Variants in PLB1 observed in about 807,000 individuals in gnomAD.
The protein encoded by PLB1 is phospholipase B1, also known as phospholipase B1, membrane-associated.
PLB1 carries 242 observed loss-of-function variants against 227.4 expected under a neutral mutation model. That is an observed-to-expected ratio of 1.06 (90% CI 0.96 to 1.18). The LOEUF is 1.18. Ranked by LOEUF, PLB1 falls within the 50% of genes most tolerant of loss-of-function variation. The probability of loss-of-function intolerance (pLI) is 0.00; values close to 1 mark genes in which losing one functional copy is unlikely to be tolerated. For missense variants in PLB1, 1,858 were observed against 1,816.3 expected, an observed-to-expected ratio of 1.02 and a Z score of -0.42; for synonymous variants, 757 against 682.2, an observed-to-expected ratio of 1.11 and a Z score of -1.71.
chr2:28,496,753 G>T (rs776756481), intron 1 of PLB1, among the ~76,000 whole-genome samples: 1 of 152,144 alleles, frequency 6.6e-6, no homozygotes, highest in Non-Finnish European at 1.5e-5. Context: ...TGGGTAGATT[G>T]TGCCTCTGCC....
chr2:28,567,585 T>C (rs1234799238), intron 20 of PLB1, among the ~76,000 whole-genome samples: 3 of 149,262 alleles, frequency 2.0e-5, no homozygotes, highest in South Asian at 2.2e-4. Flanking sequence ...GCGATTCTCC[T>C]GCCTCAGCCT....
In PLB1 at chr2:28,533,387, CA is replaced by C. The variant is rs541564671; in HGVS notation, c.555+1194del. On this transcript the variant is annotated intron_variant, in intron 9 of 57. Transcript: ENST00000327757. ...AGTGCCGAGTGAAATTTACGTGCCT[CA>C]TTTGTTCTCTCCACAGCCCCCCTTT... Among the ~76,000 whole-genome samples the C allele has an allele frequency of 3.0e-3, 464 of 152,310 alleles. 4 individuals are homozygous for C. The highest frequency in any genetic ancestry group is 0.01 in the African/African-American group (427 of 41,552).
intron 8 of PLB1, 139 bp from the exon 9 acceptor site, chr2:28,531,969 T>C: frequency 1.5e-6 from 1 of 656,030 alleles, no homozygotes. Context: ...ACTCCTGCCA[T>C]ATACTACTAT....
At chr2:28,626,642 C>T (rs901467520) in intron 51 of PLB1, 134 bp downstream of exon 51, 18 of 781,672 alleles carry the variant, frequency 2.3e-5, no homozygotes, top group Non-Finnish European at 3.2e-5. Context: ...TGCCCCAGGC[C>T]CTCCCTGGTT....
chr2:28,619,519 G>GGTTTTTTTT (rs1553459984), intron 46 of PLB1, among the ~76,000 whole-genome samples: 1 of 124,610 alleles, frequency 8.0e-6, no homozygotes. Context: ...AAATTTCAAG[G>GGTTTTTTTT]TTTTGTTTTT....
rs758324184 is a variant in PLB1 at position 28,565,261 on chromosome 2, C to T, written c.1207-19C>T. The stretch of plus-strand genomic sequence containing the variant: ...CTGGGGAAAGCAGAGAAACTCACCC[C>T]CTCATTGTTCCCTCTCAGGCAGGCA... On this transcript the variant is annotated intron_variant, in intron 18 of 57. Coordinates refer to ENST00000327757, the MANE Select transcript of PLB1 (RefSeq NM_153021.5). 73 of 1,605,426 alleles carry T rather than the reference C, an allele frequency of 4.5e-5. No individual in the cohort carries two copies. Among genetic ancestry groups the T allele is most frequent in the Non-Finnish European group, 6.0e-5 (70 of 1,175,622 alleles).
At chr2:28,633,120 C>T (rs2148343616) in intron 56 of PLB1, 81 bp downstream of exon 56, 1 of 1,211,416 alleles carries the variant, frequency 8.3e-7, no homozygotes, top group East Asian at 2.4e-5. Flanking sequence ...GGCAAAACTA[C>T]TGGAGACATG....
intron 17 of PLB1, among the ~76,000 whole-genome samples, chr2:28,561,494 C>T (rs1420991977): frequency 6.6e-6 from 1 of 152,176 alleles, no homozygotes; most frequent in African/African-American, 2.4e-5. Context: ...CAATACTAGT[C>T]ACAATAGCCC....
intron 9 of PLB1, among the ~76,000 whole-genome samples, chr2:28,535,120 T>C (rs1228713498): frequency 2.6e-5 from 4 of 152,228 alleles, no homozygotes; most frequent in Non-Finnish European, 4.4e-5. Context: ...TGATGACATA[T>C]GAATTGAGTT....
intron 32 of PLB1, 99 bp downstream of exon 32, chr2:28,592,818 A>T (rs1682205358): frequency 9.0e-7 from 1 of 1,116,548 alleles, no homozygotes; most frequent in South Asian, 1.5e-5. Flanking sequence ...CCTCTGCCTT[A>T]TCTTGCCCCT....
chr2:28,606,609 G>A, intron 43 of PLB1, 42 bp downstream of exon 43: 3 of 1,574,950 alleles, frequency 1.9e-6, no homozygotes, highest in South Asian at 1.1e-5. Context: ...CACAAACCAG[G>A]GCACACAGCT....
At position 28,547,488 on chromosome 2, in the gene PLB1, A is replaced by G. The variant is rs76941500; in HGVS notation, c.937-1372A>G. Among the ~76,000 whole-genome samples, 508 of 152,346 alleles carry G rather than the reference A, an allele frequency of 3.3e-3. 2 individuals are homozygous for G. Among genetic ancestry groups the G allele is most frequent in the Non-Finnish European group, 4.5e-3 (305 of 68,036 alleles). On this transcript the variant is annotated intron_variant, in intron 14 of 57. Transcript: ENST00000327757. ...CTCTTTCAGTCTGGCTGAAGAGCCA[A>G]TTCCACTAAGGGTAAAGTTCTTTTC...
intron 33 of PLB1, chr2:28,595,875 A>C (rs972885728): frequency 2.0e-5 from 3 of 152,134 alleles, no homozygotes; most frequent in Non-Finnish European, 4.4e-5. Context: ...CCTGCAGAAG[A>C]GGCTCGGCTG....
At chr2:28,525,557 G>T (rs1360551068) in intron 5 of PLB1, among the ~76,000 whole-genome samples, 1 of 152,102 alleles carries the variant, frequency 6.6e-6, no homozygotes, top group Non-Finnish European at 1.5e-5. Flanking sequence ...CTAATAGAGG[G>T]AGTGCTTATT....
intron 1 of PLB1, among the ~76,000 whole-genome samples, chr2:28,505,583 C>T (rs985973693): frequency 3.9e-5 from 6 of 152,152 alleles, no homozygotes; most frequent in African/African-American, 1.4e-4. Flanking sequence ...GCAAAACCAA[C>T]GGTGGGAGCT....
chr2:28,631,152 C>CA (rs56107032), intron 54 of PLB1, among the ~76,000 whole-genome samples: 17,083 of 137,488 alleles, frequency 0.12, 2,035 homozygotes, highest in African/African-American at 0.32. Flanking sequence ...GACCCTATCT[C>CA]AAAAAAAAAA....
intron 1 of PLB1, among the ~76,000 whole-genome samples, chr2:28,497,428 A>G (rs1666583706): frequency 6.6e-6 from 1 of 152,222 alleles, no homozygotes; most frequent in Non-Finnish European, 1.5e-5. Flanking sequence ...AGTGGAAAAA[A>G]GGGAAATCTT....
At chr2:28,548,066 C>T (rs897176678) in intron 14 of PLB1, among the ~76,000 whole-genome samples, 1 of 152,092 alleles carries the variant, frequency 6.6e-6, no homozygotes, top group African/African-American at 2.4e-5. Flanking sequence ...TCCTGGCTCA[C>T]TAGATACTCT....
At chr2:28,519,639 G>A in intron 3 of PLB1, 66 bp from the exon 4 acceptor site, 2 of 1,239,454 alleles carry the variant, frequency 1.6e-6, no homozygotes, top group Non-Finnish European at 2.4e-6. Context: ...CTCCCATACG[G>A]TATCCTTGGC....
Sources: gnomAD v4.1 joint callset for allele counts (sites outside exome capture counted in the v4.1 genomes callset) on GRCh38, gnomAD v4.1.1 for gene constraint, MANE v1.5 for transcripts, NCBI Gene and HGNC (gene_info 2026-07-23, HGNC 2026-07-21) for gene names.